Variants in CMSS1 observed in about 807,000 individuals in gnomAD.
CMSS1 encodes protein CMSS1.
A neutral mutation model predicts 43.5 loss-of-function variants in CMSS1; 33 were observed. The ratio of observed to expected loss-of-function variants is 0.76; its 90% CI spans 0.57 to 1.01. The LOEUF (loss-of-function observed/expected upper bound fraction) is 1.01, where lower values mean the gene tolerates loss of function less well. CMSS1 is among the 50% of genes least tolerant of loss of function. The pLI, the probability that CMSS1 is intolerant of heterozygous loss-of-function variation, is 0.00. For missense variants in CMSS1, 313 were observed against 326.4 expected (o/e 0.96, Z 0.32); for synonymous variants, 115 against 117.2 (o/e 0.98, Z 0.12).
chr3:100,044,577 G>C (rs1187007365), intron 1 of CMSS1, among the ~76,000 whole-genome samples: 1 of 152,182 alleles, frequency 6.6e-6, no homozygotes, highest in Non-Finnish European at 1.5e-5. Context: ...CCCAGTGAAA[G>C]AGAGGGAAGT....
chr3:99,942,228 A>G (rs1055275767), intron 1 of CMSS1, among the ~76,000 whole-genome samples: 4 of 152,066 alleles, frequency 2.6e-5, no homozygotes, highest in African/African-American at 7.2e-5. Context: ...GTTACTGTTA[A>G]TCTTATTAGA....
At chr3:99,944,971 C>T (rs935736752) in intron 1 of CMSS1, among the ~76,000 whole-genome samples, 2 of 152,178 alleles carry the variant, frequency 1.3e-5, no homozygotes, top group African/African-American at 2.4e-5. Context: ...GTTCATTATT[C>T]GGCTCATTCT....
intron 1 of CMSS1, among the ~76,000 whole-genome samples, chr3:100,127,805 T>C (rs1240266312): frequency 6.6e-6 from 1 of 152,168 alleles, no homozygotes; most frequent in Non-Finnish European, 1.5e-5. Flanking sequence ...TAGTTGTGCT[T>C]TCAGGTGAAG....
chr3:100,122,269 A>G (rs1288288541), intron 1 of CMSS1, among the ~76,000 whole-genome samples: 1 of 151,898 alleles, frequency 6.6e-6, no homozygotes, highest in African/African-American at 2.4e-5. Context: ...ACAATTCTAG[A>G]CCCCCCTTTC....
intron 1 of CMSS1, chr3:99,849,545 T>C: frequency 6.2e-7 from 1 of 1,613,476 alleles, no homozygotes; most frequent in Non-Finnish European, 8.5e-7. Context: ...TGCCCTGACT[T>C]AGCTTCTTCT....
chr3:100,008,086 T>C (rs1292604269), intron 1 of CMSS1, among the ~76,000 whole-genome samples: 3 of 152,198 alleles, frequency 2.0e-5, no homozygotes, highest in Non-Finnish European at 4.4e-5. Flanking sequence ...ACCTTCCTAA[T>C]GTTTTTACTA....
rs1444956115 is a variant in CMSS1, at chr3:100,028,829, A to G, written c.65-118144A>G. On this transcript the variant is annotated intron_variant, in intron 1 of 9. Transcript: ENST00000421999. ...ATCACACCAACTGTACTAGACTCCA[A>G]ACTCATTACTGTGAACTATTCAATG... Among the ~76,000 whole-genome samples the G allele has an allele frequency of 4.6e-5, 7 of 152,166 alleles. No individual in the cohort carries two copies. The South Asian group carries it at 6.2e-4, about 14-fold the overall frequency.
chr3:100,079,206 C>T (rs2065896213), intron 1 of CMSS1, among the ~76,000 whole-genome samples: 1 of 152,278 alleles, frequency 6.6e-6, no homozygotes, highest in South Asian at 2.1e-4. Context: ...AGGTGAGAGT[C>T]GCCAGGCCAT....
At chr3:100,101,067 G>A (rs2066296835) in intron 1 of CMSS1, among the ~76,000 whole-genome samples, 2 of 152,124 alleles carry the variant, frequency 1.3e-5, no homozygotes, top group Admixed American at 6.6e-5. Context: ...GACCACTTTT[G>A]TACCTGGGGG....
chr3:100,102,800 G>A (rs922672501), intron 1 of CMSS1, among the ~76,000 whole-genome samples: 2 of 152,186 alleles, frequency 1.3e-5, no homozygotes, highest in Non-Finnish European at 2.9e-5. Context: ...TCTGAGATCA[G>A]TGACTAAATT....
At chr3:100,051,749 C>CG (rs2065377273) in intron 1 of CMSS1, among the ~76,000 whole-genome samples, 1 of 151,394 alleles carries the variant, frequency 6.6e-6, no homozygotes, top group Admixed American at 6.6e-5. Flanking sequence ...TTAATCTAGT[C>CG]GATCATTGTT....
intron 9 of CMSS1, 22 bp from the exon 10 acceptor site, chr3:100,178,283 T>TC: frequency 1.3e-6 from 2 of 1,516,594 alleles, no homozygotes; most frequent in Non-Finnish European, 1.8e-6. Flanking sequence ...AATCTTTTTT[T>TC]CCCCCCTTTT....
rs192029631 is a variant in CMSS1, at chr3:100,119,073, G to A, written c.65-27900G>A. Among the ~76,000 whole-genome samples the A allele has an allele frequency of 8.2e-4, 124 of 152,038 alleles. 1 individual carries two copies. The highest frequency in any genetic ancestry group is 2.1e-3 in the East Asian group (11 of 5,174). On this transcript the variant is annotated intron_variant, in intron 1 of 9. Transcript: ENST00000421999. ...AAAAAGATGTCTTAGTTCTATTTTA[G>A]TACTAACATTATGTGAGTCTGTGAA... is the stretch of plus-strand genomic sequence containing the variant.
At chr3:100,108,521 C>G (rs1337083668) in intron 1 of CMSS1, among the ~76,000 whole-genome samples, 2 of 152,104 alleles carry the variant, frequency 1.3e-5, no homozygotes, top group African/African-American at 4.8e-5. Flanking sequence ...AAAATCTATG[C>G]CCTTAGACAT....
intron 1 of CMSS1, among the ~76,000 whole-genome samples, chr3:100,109,240 A>G (rs1407249308): frequency 6.6e-6 from 1 of 152,110 alleles, no homozygotes; most frequent in African/African-American, 2.4e-5. Flanking sequence ...TTTTCAATGA[A>G]AATCTGCAAG....
intron 1 of CMSS1, among the ~76,000 whole-genome samples, chr3:100,052,752 T>A (rs1186498363): frequency 6.6e-6 from 1 of 152,246 alleles, no homozygotes; most frequent in Non-Finnish European, 1.5e-5. Flanking sequence ...CCCAACCTCA[T>A]GTAAACCAGT....
chr3:100,015,524 T>C (rs533780836), intron 1 of CMSS1, among the ~76,000 whole-genome samples: 66 of 152,368 alleles, frequency 4.3e-4, no homozygotes, highest in African/African-American at 1.5e-3. Context: ...ACACAGGATA[T>C]CTTTCCATTT....
At chr3:99,837,685 G>C (rs1942957101) in intron 1 of CMSS1, among the ~76,000 whole-genome samples, 1 of 152,174 alleles carries the variant, frequency 6.6e-6, no homozygotes, top group Admixed American at 6.5e-5. Context: ...TTCTCCTTCT[G>C]ACCTGGGAAG....
chr3:99,995,645 G>C (rs1709656188), intron 1 of CMSS1, among the ~76,000 whole-genome samples: 1 of 152,240 alleles, frequency 6.6e-6, no homozygotes, highest in Non-Finnish European at 1.5e-5. Context: ...TTCTGCCTGG[G>C]CATCCAGGCG....
Sources: allele counts gnomAD v4.1 joint callset (sites outside exome capture counted in the v4.1 genomes callset), GRCh38; gene constraint gnomAD v4.1.1; transcripts MANE v1.5; gene names NCBI Gene and HGNC (gene_info 2026-07-23, HGNC 2026-07-21).